The following CYLD variants were observed in gnomAD, a reference collection of about 807,000 sequenced individuals.
CYLD encodes the protein ubiquitin carboxyl-terminal hydrolase CYLD.
CYLD carries 26 observed loss-of-function variants against 104.5 expected under a neutral mutation model. The ratio of observed to expected loss-of-function variants is 0.25; its 90% CI spans 0.18 to 0.35. CYLD has a LOEUF of 0.35. CYLD is among the 10% of genes least tolerant of loss of function. The pLI, the probability that CYLD is intolerant of heterozygous loss-of-function variation, is 1.00. For synonymous variants in CYLD, 385 were observed against 399.9 expected (o/e 0.96, Z 0.45); for missense variants, 703 against 1,136.1 (o/e 0.62, Z 5.48).
intron 11 of CYLD, among the ~76,000 whole-genome samples, chr16:50,782,982 C>T (rs12597446): frequency 0.027 from 3,655 of 133,934 alleles, 139 homozygotes; most frequent in African/African-American, 0.088. Context: ...TGGAATGCAG[C>T]GGCACAATCT....
intron 5 of CYLD, among the ~76,000 whole-genome samples, chr16:50,760,145 C>T (rs1967738416): frequency 6.6e-6 from 1 of 152,256 alleles, no homozygotes; most frequent in South Asian, 2.1e-4. Flanking sequence ...TTGCAGATAC[C>T]AGTTCACTTC....
intron 4 of CYLD, among the ~76,000 whole-genome samples, chr16:50,753,972 A>G (rs1351589153): frequency 6.6e-6 from 1 of 152,232 alleles, no homozygotes; most frequent in Admixed American, 6.5e-5. Context: ...CTTCCTGTGC[A>G]AAATACTGTC....
At chr16:50,760,002 A>T (rs1364859810) in intron 5 of CYLD, among the ~76,000 whole-genome samples, 1 of 152,216 alleles carries the variant, frequency 6.6e-6, no homozygotes, top group Non-Finnish European at 1.5e-5. Flanking sequence ...GAAAAACTGA[A>T]AATTTTATAT....
chr16:50,793,158 A>G (rs1220097088), intron 16 of CYLD, among the ~76,000 whole-genome samples: 1 of 152,016 alleles, frequency 6.6e-6, no homozygotes, highest in African/African-American at 2.4e-5. Context: ...ATGCATATAT[A>G]CCTATGTAAA....
At chr16:50,795,067 T>G (rs1054306889) in intron 18 of CYLD, among the ~76,000 whole-genome samples, 2 of 152,248 alleles carry the variant, frequency 1.3e-5, no homozygotes, top group African/African-American at 4.8e-5. Context: ...GGTAGCTGTT[T>G]ATTGAGCACC....
chr16:50,784,147 C>T, intron 11 of CYLD, 182 bp from the exon 12 acceptor site: 1 of 592,510 alleles, frequency 1.7e-6, no homozygotes, highest in Admixed American at 2.6e-5. Context: ...ATCTGTAGGT[C>T]CTGATGATTG....
chr16:50,760,882 G>T (rs1004664212), intron 5 of CYLD, among the ~76,000 whole-genome samples: 1 of 152,150 alleles, frequency 6.6e-6, no homozygotes, highest in Non-Finnish European at 1.5e-5. Context: ...GCCTTCAGTC[G>T]TAGATATAAC....
At position 50,784,338 on chromosome 16, in the gene CYLD, T is replaced by C; in HGVS notation, c.1836T>C (p.Ala612=). Residue 612 remains alanine (A), a synonymous_variant, in exon 12 of 19, where the codon GCT becomes GCC. Coordinates refer to ENST00000427738, the MANE Select transcript of CYLD (RefSeq NM_001378743.1). ...YLDSTLFCLF[A]FSSVLDTVLL... is the part of the protein sequence containing the mutation. Reference sequence around the variant, plus strand: ...CCTTTTTCTTTTGCAGCTTATTTGCTTTTAGTTCTGTTCTGGACACTGTGT... The same window carrying C: ...CCTTTTTCTTTTGCAGCTTATTTGCCTTTAGTTCTGTTCTGGACACTGTGT... 6.2e-7 allele frequency: 1 copy of C among 1,613,496 alleles called. No individual in the cohort carries two copies. Among genetic ancestry groups the C allele is most frequent in the Non-Finnish European group, 8.5e-7 (1 of 1,179,646 alleles).
intron 5 of CYLD, among the ~76,000 whole-genome samples, chr16:50,771,624 A>G (rs1014547560): frequency 6.6e-6 from 1 of 152,130 alleles, no homozygotes; most frequent in Non-Finnish European, 1.5e-5. Context: ...TTCCAGCCAC[A>G]ATGTATGAGG....
chr16:50,755,371 CT>C (rs1277680865), intron 5 of CYLD, among the ~76,000 whole-genome samples: 3 of 152,032 alleles, frequency 2.0e-5, no homozygotes, highest in East Asian at 1.9e-4. Context: ...CCTATAATCA[CT>C]TTTTTTCCTT....
rs190959224 is a variant in CYLD at position 50,768,978 on chromosome 16, A to T, written c.914-6188A>T. Among the ~76,000 whole-genome samples, 6 of 152,278 alleles carry T rather than the reference A, an allele frequency of 3.9e-5. No individual in the cohort carries two copies. The East Asian group carries it at 1.2e-3, about 29-fold the overall frequency. ...ACAAAAGTGGAATAACTCAGAATGC[A>T]TTCTTTTTTGTCTGGCTTATTTCAC... is the stretch of plus-strand genomic sequence containing the variant. On this transcript the variant is annotated intron_variant, in intron 5 of 18. Transcript: ENST00000427738.
chr16:50,776,244 G>A lies in CYLD; in HGVS notation c.988G>A (p.Gly330Ser), dbSNP rs587778226. 1.2e-6 allele frequency: 2 copies of A among 1,613,492 alleles called. No individual in the cohort carries two copies. The highest frequency in any genetic ancestry group is 1.7e-6 in the Non-Finnish European group (2 of 1,179,614). ...TATGTCAAGAGGTGTTGGGGACAAA[G>A]GTTCATCCAGTCATAATAAACCAAA... ...AFMSRGVGDK[G>S]SSSHNKPKAT... Residue 330 changes from glycine (G) to serine (S), a missense_variant, in exon 7 of 19, where the codon GGT (glycine) becomes AGT (serine). Gly to Ser is a moderately conservative substitution (Grantham distance 56). Transcript: ENST00000427738.
Position 50,794,064 on chromosome 16 carries a change from A to C in CYLD, c.2470-148A>C. Reference sequence around the variant, plus strand: ...TGCCTCAGCCTCCCGAGTAGCTGGGACTGCAGGCGCCTGCCACCACGCCCA... The same window carrying C: ...TGCCTCAGCCTCCCGAGTAGCTGGGCCTGCAGGCGCCTGCCACCACGCCCA... On this transcript the variant is annotated intron_variant, in intron 17 of 18. Transcript: ENST00000427738. This position sits in a 1 kb window ranked among gnomAD's most constrained non-coding sequence, Gnocchi z 4.1. 1 of 703,310 alleles carries C rather than the reference A, an allele frequency of 1.4e-6. No homozygotes were observed. Among genetic ancestry groups the C allele is most frequent in the Non-Finnish European group, 2.5e-6 (1 of 401,168 alleles). The allele number at this position is 703,310 out of a possible 1,614,324, so 43.6% of individuals were successfully genotyped here. A position where few individuals can be genotyped will look rare whatever the true frequency, so the allele number is the denominator to read the frequency against.
Position 50,797,179 on chromosome 16 carries a change from T to A in CYLD, c.*671T>A, listed in dbSNP as rs1972125310. 4.3e-6 allele frequency: 1 copy of A among 233,072 alleles called. No homozygotes were observed. The highest frequency in any genetic ancestry group is 8.5e-6 in the Non-Finnish European group (1 of 118,032). The allele number at this position is 233,072 out of a possible 1,614,324, so 14.4% of individuals were successfully genotyped here. A position where few individuals can be genotyped will look rare whatever the true frequency, so the allele number is the denominator to read the frequency against. ...CCAAATGTCCATTTTTGAAGTGATT[T>A]TCCTGGAGGATTAGGGTATTTAGCA... On this transcript the variant is annotated 3_prime_UTR_variant, in exon 19 of 19. Transcript: ENST00000427738.
At position 50,792,779 on chromosome 16, in the gene CYLD, T is replaced by C. The variant is rs1971554735; in HGVS notation, c.2350+74T>C. On this transcript the variant is annotated intron_variant, in intron 16 of 18. Transcript: ENST00000427738. ...TCAGATAATTCTCATCAGTTGTGGG[T>C]TAGACTCTAACTGGACACAGTATTT... 3.2e-5 allele frequency: 26 copies of C among 806,908 alleles called. No homozygotes were observed. The South Asian group carries it at 3.5e-4, about 11-fold the overall frequency. The allele number at this position is 806,908 out of a possible 1,614,324, so 50.0% of individuals were successfully genotyped here. A position where few individuals can be genotyped will look rare whatever the true frequency, so the allele number is the denominator to read the frequency against.
chr16:50,791,517 A>G, intron 14 of CYLD, 41 bp from the exon 15 acceptor site: 1 of 1,610,768 alleles, frequency 6.2e-7, no homozygotes, highest in African/African-American at 1.3e-5. Context: ...TAAGCATTTG[A>G]TAAATAGGTT....
chr16:50,783,138 G>T (rs1970431972), intron 11 of CYLD, among the ~76,000 whole-genome samples: 1 of 151,932 alleles, frequency 6.6e-6, no homozygotes, highest in African/African-American at 2.4e-5. Flanking sequence ...CACCACGTTG[G>T]CCAGGCTGGT....
intron 5 of CYLD, among the ~76,000 whole-genome samples, chr16:50,761,021 G>T (rs1362200925): frequency 6.6e-6 from 1 of 152,130 alleles, no homozygotes; most frequent in Non-Finnish European, 1.5e-5. Flanking sequence ...TTTGCAAATA[G>T]AAATTTGCAT....
chr16:50,772,839 CAGTTAGAG>C (rs1156710720), intron 5 of CYLD, among the ~76,000 whole-genome samples: 1 of 152,190 alleles, frequency 6.6e-6, no homozygotes, highest in Non-Finnish European at 1.5e-5. Context: ...TCCTATGAGA[CAGTTAGAG>C]CTGGAGCCCT....
Sources: allele counts gnomAD v4.1 joint callset (sites outside exome capture counted in the v4.1 genomes callset), GRCh38; gene constraint gnomAD v4.1.1; non-coding constraint Gnocchi (gnomAD v3.1); transcripts MANE v1.5; gene names NCBI Gene and HGNC (gene_info 2026-07-23, HGNC 2026-07-21).